The following VKORC1L1 variants were observed in gnomAD, a reference collection of about 807,000 sequenced individuals.
VKORC1L1 encodes vitamin K epoxide reductase complex subunit 1L1, also known as vitamin K epoxide reductase complex subunit 1-like protein 1.
VKORC1L1 carries 2 observed loss-of-function variants against 18.9 expected under a neutral mutation model. The observed-to-expected ratio is 0.11, with a 90% CI of 0.04 to 0.33. The LOEUF is 0.33. Among genes scored for constraint, VKORC1L1 ranks in the 10% least tolerant of loss-of-function variants. VKORC1L1 has a pLI of 1.00. For synonymous variants in VKORC1L1, 96 were observed against 100.0 expected, an observed-to-expected ratio of 0.96 and a Z score of 0.24; for missense variants, 123 against 224.1, an observed-to-expected ratio of 0.55 and a Z score of 2.88.
Position 65,891,140 on chromosome 7 carries a change from G to A in VKORC1L1, c.194+17575G>A, listed in dbSNP as rs1002496574. On this transcript the variant is annotated intron_variant, in intron 1 of 2. Transcript: ENST00000360768. The stretch of plus-strand genomic sequence containing the variant: ...TTTGCAATTTATCCAACTTGGTGGT[G>A]GTATGAGTTACTCTTTTTTTCTTGC... 3.3e-5 allele frequency among the ~76,000 whole-genome samples: 5 copies of A among 149,350 alleles called. 1 individual carries two copies. In the East Asian group the frequency reaches 7.8e-4, roughly 23 times the overall value.
chr7:65,955,536 C>T lies in VKORC1L1; in HGVS notation c.*1236C>T, dbSNP rs1196484713. 3 of 152,208 alleles carry T rather than the reference C, an allele frequency of 2.0e-5. No individual in the cohort carries two copies. The highest frequency in any genetic ancestry group is 2.4e-5 in the African/African-American group (1 of 41,438). 9.4% of individuals were successfully genotyped at this position (152,208 alleles called of 1,614,324 possible). A position where few individuals can be genotyped will look rare whatever the true frequency, so the allele number is the denominator to read the frequency against. ...TAATGACACACATGCAGTAAGAAGA[C>T]TTTTGTAAGGGGATTTGAGTACACC... On this transcript the variant is annotated 3_prime_UTR_variant, in exon 3 of 3. Transcript: ENST00000360768.
intron 1 of VKORC1L1, among the ~76,000 whole-genome samples, chr7:65,883,880 C>T (rs578159352): frequency 7.9e-5 from 12 of 152,252 alleles, no homozygotes; most frequent in African/African-American, 1.7e-4. Flanking sequence ...TATTGAATTA[C>T]GATTCATAAG....
At chr7:65,896,572 TTCCC>T (rs71051317) in intron 1 of VKORC1L1, among the ~76,000 whole-genome samples, 40 of 140,754 alleles carry the variant, frequency 2.8e-4, no homozygotes, top group South Asian at 7.3e-4. Flanking sequence ...CCTTCCTTCT[TTCCC>T]TCCCTCCCTC....
chr7:65,871,454 C>A (rs1050353434), upstream of VKORC1L1, among the ~76,000 whole-genome samples: 3 of 152,084 alleles, frequency 2.0e-5, no homozygotes, highest in Non-Finnish European at 4.4e-5. Flanking sequence ...CTCGGCCTCC[C>A]AAAATTCTGG....
At chr7:65,868,594 G>A (rs1434181322), upstream of VKORC1L1, among the ~76,000 whole-genome samples, 1 of 152,194 alleles carries the variant, frequency 6.6e-6, no homozygotes, top group Admixed American at 6.5e-5. Flanking sequence ...ACAGATGATT[G>A]GATAAAGAAA....
chr7:65,881,862 G>T (rs1247413780), intron 1 of VKORC1L1, among the ~76,000 whole-genome samples: 1 of 148,906 alleles, frequency 6.7e-6, no homozygotes, highest in South Asian at 2.2e-4. Context: ...GATGTATCAC[G>T]TGAGGTCAGG....
At position 65,957,711 on chromosome 7, in the gene VKORC1L1, A is replaced by C. The variant is rs1790321807; in HGVS notation, c.*3411A>C. 1 of 152,032 alleles carries C rather than the reference A, an allele frequency of 6.6e-6. No homozygotes were observed. Among genetic ancestry groups the C allele is most frequent in the Non-Finnish European group, 1.5e-5 (1 of 68,056 alleles). 9.4% of individuals were successfully genotyped at this position (152,032 alleles called of 1,614,324 possible). ...AGCTGGGCATGGTGGCGGCACCTGT[A>C]ATGCCAGCTCCTCCAGAGGCTGAGG... is the stretch of plus-strand genomic sequence containing the variant. On this transcript the variant is annotated 3_prime_UTR_variant, in exon 3 of 3. Transcript: ENST00000360768.
chr7:65,939,748 T>G (rs1790004016), intron 1 of VKORC1L1, among the ~76,000 whole-genome samples: 1 of 152,092 alleles, frequency 6.6e-6, no homozygotes, highest in African/African-American at 2.4e-5. Context: ...TTACAACAGA[T>G]TTGCGAACTC....
At chr7:65,892,825 T>C (rs933474329) in intron 1 of VKORC1L1, among the ~76,000 whole-genome samples, 5 of 152,234 alleles carry the variant, frequency 3.3e-5, no homozygotes, top group Non-Finnish European at 5.9e-5. Context: ...TCTATTCCTG[T>C]TTGTCCTCTC....
chr7:65,873,329 T>TGAGGTG lies in VKORC1L1; in HGVS notation c.-38_-33dup. The TGAGGTG allele has an allele frequency of 7.2e-7, 1 of 1,381,402 alleles. No individual in the cohort carries two copies. The highest frequency in any genetic ancestry group is 1.4e-5 in the South Asian group (1 of 73,008). 85.6% of individuals were successfully genotyped at this position (1,381,402 alleles called of 1,614,324 possible). A position where few individuals can be genotyped will look rare whatever the true frequency, so the allele number is the denominator to read the frequency against. ...TCGGGCCCCGACGGGCGGCGGCGGCTGAGGTGGAGGCGGAGGGAGGCGGCG... is the reference window on the plus strand; with the variant it reads ...TCGGGCCCCGACGGGCGGCGGCGGCTGAGGTGGAGGTGGAGGCGGAGGGAGGCGGCG... On this transcript the variant is annotated 5_prime_UTR_variant, in exon 1 of 3. Coordinates refer to ENST00000360768, the MANE Select transcript of VKORC1L1 (RefSeq NM_173517.6).
At chr7:65,887,515 A>G (rs1184257936) in intron 1 of VKORC1L1, among the ~76,000 whole-genome samples, 1 of 151,536 alleles carries the variant, frequency 6.6e-6, no homozygotes, top group African/African-American at 2.4e-5. Context: ...TCCCTCAGTG[A>G]TACTAGATAA....
chr7:65,950,346 C>A (rs1223185492), intron 2 of VKORC1L1, among the ~76,000 whole-genome samples: 2 of 152,074 alleles, frequency 1.3e-5, no homozygotes, highest in Admixed American at 6.6e-5. Flanking sequence ...TCTGTTGATG[C>A]CTTTGCATTT....
chr7:65,914,412 T>C (rs1414247853), intron 1 of VKORC1L1, among the ~76,000 whole-genome samples: 1 of 152,206 alleles, frequency 6.6e-6, no homozygotes, highest in African/African-American at 2.4e-5. Flanking sequence ...CAGGCACTTC[T>C]TTTTTGCCAC....
At chr7:65,895,516 T>TATATATATATACACAC (rs370356956) in intron 1 of VKORC1L1, among the ~76,000 whole-genome samples, 27 of 71,578 alleles carry the variant, frequency 3.8e-4, no homozygotes, top group East Asian at 2.2e-3. Flanking sequence ...TATATATATA[T>TATATATATATACACAC]ACACACACAC....
At position 65,875,164 on chromosome 7, in the gene VKORC1L1, T is replaced by A. The variant is rs574465673; in HGVS notation, c.194+1599T>A. ...CTTATTTGCCATGTATACAGTGAAA[T>A]TAAGAAATTTGTTCAATTTGATCAG... On this transcript the variant is annotated intron_variant, in intron 1 of 2. Coordinates refer to ENST00000360768, the MANE Select transcript of VKORC1L1 (RefSeq NM_173517.6). Among the ~76,000 whole-genome samples, 7 of 152,328 alleles carry A rather than the reference T, an allele frequency of 4.6e-5. No individual in the cohort carries two copies. The South Asian group carries it at 1.4e-3, about 32-fold the overall frequency.
At chr7:65,866,452 A>G in the VKORC1L1 span, among the ~76,000 whole-genome samples, 1 of 152,160 alleles carries the variant, frequency 6.6e-6, no homozygotes, top group African/African-American at 2.4e-5. Flanking sequence ...GATGGCTGCA[A>G]TGTGGACTGT....
At chr7:65,926,730 C>A (rs2177703) in intron 1 of VKORC1L1, among the ~76,000 whole-genome samples, 19,304 of 152,048 alleles carry the variant, frequency 0.13, 1,385 homozygotes, top group Middle Eastern at 0.21. Flanking sequence ...TGAGTGAATA[C>A]AGAAAATGTG....
At chr7:65,920,665 T>C (rs1201410234) in intron 1 of VKORC1L1, among the ~76,000 whole-genome samples, 2 of 152,094 alleles carry the variant, frequency 1.3e-5, no homozygotes, top group African/African-American at 4.8e-5. Flanking sequence ...TGGTGTCGTG[T>C]CCTTTCTCTT....
chr7:65,911,767 G>A (rs1789505916), intron 1 of VKORC1L1, among the ~76,000 whole-genome samples: 1 of 152,116 alleles, frequency 6.6e-6, no homozygotes, highest in Non-Finnish European at 1.5e-5. Context: ...CTCAATTTCT[G>A]AACTGACCCT....
Sources: allele counts gnomAD v4.1 joint callset (sites outside exome capture counted in the v4.1 genomes callset), GRCh38; gene constraint gnomAD v4.1.1; transcripts MANE v1.5; gene names NCBI Gene and HGNC (gene_info 2026-07-23, HGNC 2026-07-21).